Variants in RAB3GAP1 observed in about 807,000 individuals in gnomAD.
The protein encoded by RAB3GAP1 is rab3 GTPase-activating protein catalytic subunit.
A neutral mutation model predicts 130.7 loss-of-function variants in RAB3GAP1; 86 were observed. The observed-to-expected ratio is 0.66, with a 90% CI of 0.55 to 0.79. The LOEUF (loss-of-function observed/expected upper bound fraction) is 0.79, where lower values mean the gene tolerates loss of function less well. Among genes scored for constraint, RAB3GAP1 ranks in the 30% least tolerant of loss-of-function variants. RAB3GAP1 has a pLI of 0.00. For synonymous variants in RAB3GAP1, 367 were observed against 401.7 expected (o/e 0.91, Z 1.03); for missense variants, 1,029 against 1,169.4 (o/e 0.88, Z 1.75).
At chr2:135,117,543 GCTTCTT>G (rs34092587) in intron 7 of RAB3GAP1, among the ~76,000 whole-genome samples, 37 of 43,822 alleles carry the variant, frequency 8.4e-4, no homozygotes, top group East Asian at 2.0e-3. Flanking sequence ...TTCTTCTTCT[GCTTCTT>G]CTTCTTCTGC....
At chr2:135,173,261 A>C (rs1358099661), downstream of RAB3GAP1, among the ~76,000 whole-genome samples, 3 of 151,994 alleles carry the variant, frequency 2.0e-5, no homozygotes, top group African/African-American at 7.2e-5. Flanking sequence ...ATTGGGAAAC[A>C]TAGATAGTAC....
intron 8 of RAB3GAP1, among the ~76,000 whole-genome samples, chr2:135,123,433 T>C (rs181709413): frequency 6.6e-6 from 1 of 152,320 alleles, no homozygotes; most frequent in Admixed American, 6.5e-5. Flanking sequence ...TAGATAAATA[T>C]CAGATGTGAT....
chr2:135,107,492 T>A (rs1690662312), intron 5 of RAB3GAP1, among the ~76,000 whole-genome samples: 1 of 152,084 alleles, frequency 6.6e-6, no homozygotes, highest in East Asian at 1.9e-4. Context: ...GAATAGATTA[T>A]AAATTAAAGA....
In RAB3GAP1 at chr2:135,091,114, G is replaced by A. The variant is rs757292994; in HGVS notation, c.267G>A (p.Lys89=). 3.6e-5 allele frequency: 57 copies of A among 1,594,158 alleles called. No individual in the cohort carries two copies. In the Admixed American group the frequency reaches 8.0e-4, roughly 22 times the overall value. ...LVQESTDKEG[K]DELLEDVVPQ... is the part of the protein sequence containing the mutation. ...AAGAGTCCACTGATAAAGAAGGAAA[G>A]GATGAGTTATTAGAGGGTAAGTTAT... is the stretch of plus-strand genomic sequence containing the variant. The change falls in exon 4 of 24, where the codon AAG becomes AAA. Residue 89 remains lysine, a synonymous_variant. Transcript: ENST00000264158.
intron 3 of RAB3GAP1, among the ~76,000 whole-genome samples, chr2:135,080,932 A>G (rs951626249): frequency 2.6e-5 from 4 of 152,174 alleles, no homozygotes; most frequent in African/African-American, 7.2e-5. Context: ...GGCCACCTGT[A>G]TAGAGTGGAA....
chr2:135,126,317 A>G (rs1189304978), intron 10 of RAB3GAP1, 68 bp downstream of exon 10: 5 of 1,233,734 alleles, frequency 4.1e-6, no homozygotes, highest in South Asian at 3.9e-5. Context: ...TCAAATTGCT[A>G]GTAATTTTTA....
At chr2:135,111,425 A>G (rs1690798301) in intron 5 of RAB3GAP1, among the ~76,000 whole-genome samples, 1 of 152,216 alleles carries the variant, frequency 6.6e-6, no homozygotes, top group African/African-American at 2.4e-5. Flanking sequence ...GGATATGGCA[A>G]CTGAATGAGA....
At position 135,058,067 on chromosome 2, in the gene RAB3GAP1, T is replaced by G; in HGVS notation, c.131T>G (p.Leu44Trp). ...GACTGGAAACTGATTGGAAACTCTTTGGGAAAGCCACTCGAAAAGGTCAGA... is the reference window on the plus strand; with the variant it reads ...GACTGGAAACTGATTGGAAACTCTTGGGGAAAGCCACTCGAAAAGGTCAGA... ...LNDWKLIGNS[L>W]GKPLEKGIFT... Residue 44 changes from leucine (L) to tryptophan (W), a missense_variant, in exon 3 of 24, where the codon TTG (leucine) becomes TGG (tryptophan). Physicochemically the swap from Leu to Trp is moderately conservative, Grantham distance 61. Around this residue, in one of 3 missense-constraint regions of RAB3GAP1, gnomAD observed 510 missense variants for 532.1 expected, o/e 0.96. Transcript: ENST00000264158. 3 of 1,612,402 alleles carry G rather than the reference T, an allele frequency of 1.9e-6. No individual in the cohort carries two copies. Among genetic ancestry groups the G allele is most frequent in the Non-Finnish European group, 2.5e-6 (3 of 1,178,608 alleles).
intron 18 of RAB3GAP1, among the ~76,000 whole-genome samples, chr2:135,152,030 T>C (rs955835708): frequency 6.6e-6 from 1 of 152,258 alleles, no homozygotes; most frequent in African/African-American, 2.4e-5. Flanking sequence ...TACATGACAT[T>C]GTTTTAACCA....
At chr2:135,113,460 T>C (rs1191305005) in intron 6 of RAB3GAP1, among the ~76,000 whole-genome samples, 190 bp downstream of exon 6, 1 of 152,220 alleles carries the variant, frequency 6.6e-6, no homozygotes, top group African/African-American at 2.4e-5. Context: ...ACCTAACTTA[T>C]TCCGTGTACA....
chr2:135,112,789 C>T lies in RAB3GAP1; in HGVS notation c.363-362C>T, dbSNP rs147828422. Among the ~76,000 whole-genome samples the T allele has an allele frequency of 8.6e-5, 13 of 151,364 alleles. No individual in the cohort carries two copies. In the South Asian group the frequency reaches 2.5e-3, roughly 29 times the overall value. ...GGTATACAACATAAAGTAGGCAAAG[C>T]GGAAAAAGTATTTACAACTGTCAAA... On this transcript the variant is annotated intron_variant, in intron 5 of 23. Transcript: ENST00000264158.
intron 3 of RAB3GAP1, among the ~76,000 whole-genome samples, chr2:135,084,252 TAAAAAC>T (rs1689914357): frequency 6.6e-6 from 1 of 152,024 alleles, no homozygotes; most frequent in Non-Finnish European, 1.5e-5. Flanking sequence ...TCTCAGAAAA[TAAAAAC>T]AATAATCAAT....
At chr2:135,147,520 T>C (rs1692034491) in intron 17 of RAB3GAP1, among the ~76,000 whole-genome samples, 1 of 152,106 alleles carries the variant, frequency 6.6e-6, no homozygotes, top group South Asian at 2.1e-4. Flanking sequence ...TTAAGTCACA[T>C]ATCATATTCG....
At chr2:135,086,985 G>A (rs942599285) in intron 3 of RAB3GAP1, among the ~76,000 whole-genome samples, 3 of 152,006 alleles carry the variant, frequency 2.0e-5, no homozygotes, top group Non-Finnish European at 4.4e-5. Flanking sequence ...TCTTAACTGT[G>A]TCTTTTGATA....
At chr2:135,108,300 A>T (rs1432842942) in intron 5 of RAB3GAP1, among the ~76,000 whole-genome samples, 1 of 152,130 alleles carries the variant, frequency 6.6e-6, no homozygotes, top group Non-Finnish European at 1.5e-5. Flanking sequence ...ATTTGTGTTG[A>T]TACATTTGAT....
chr2:135,168,802 G>T lies in RAB3GAP1; in HGVS notation c.*21G>T, dbSNP rs1232301506. 6.2e-7 allele frequency: 1 copy of T among 1,601,730 alleles called. No individual in the cohort carries two copies. The highest frequency in any genetic ancestry group is 1.3e-5 in the African/African-American group (1 of 74,784). ...TCTGATTCTTCTAGCATTACTCGTT[G>T]GTGGCTTCAGAGACAGTGCTGCCTC... On this transcript the variant is annotated 3_prime_UTR_variant, in exon 24 of 24. Transcript: ENST00000264158.
chr2:135,055,096 T>C (rs1688974153), intron 2 of RAB3GAP1, among the ~76,000 whole-genome samples: 1 of 152,206 alleles, frequency 6.6e-6, no homozygotes, highest in African/African-American at 2.4e-5. Context: ...CGGTTTCTGC[T>C]TTTACTAAAT....
At chr2:135,068,080 G>A (rs887640375) in intron 3 of RAB3GAP1, among the ~76,000 whole-genome samples, 1 of 152,094 alleles carries the variant, frequency 6.6e-6, no homozygotes, top group Non-Finnish European at 1.5e-5. Context: ...AATGATACTT[G>A]CTTAAGTAGA....
At chr2:135,117,409 TTTC>T (rs764864449) in intron 7 of RAB3GAP1, among the ~76,000 whole-genome samples, 1,985 of 99,994 alleles carry the variant, frequency 0.02, 35 homozygotes, top group African/African-American at 0.029. Context: ...CAATACTTTA[TTTC>T]TTCTTCTTCT....
Sources: gnomAD v4.1 joint callset for allele counts (sites outside exome capture counted in the v4.1 genomes callset) on GRCh38, gnomAD v4.1.1 for gene constraint, gnomAD v4.1.1 regional missense constraint, MANE v1.5 for transcripts, NCBI Gene and HGNC (gene_info 2026-07-23, HGNC 2026-07-21) for gene names.